Variants in TCF12 observed in about 807,000 individuals in gnomAD.
TCF12 encodes transcription factor 12.
Under a neutral mutation model 86.0 loss-of-function variants are expected in TCF12, and 45 were observed. The ratio of observed to expected loss-of-function variants is 0.52; its 90% CI spans 0.41 to 0.67. The LOEUF (loss-of-function observed/expected upper bound fraction) is 0.67. Ranked by LOEUF, TCF12 falls within the 30% of genes least tolerant of loss-of-function variation. The probability of loss-of-function intolerance (pLI) is 0.00; values close to 1 mark genes in which losing one functional copy is unlikely to be tolerated. For missense variants in TCF12, 881 were observed against 859.9 expected (o/e 1.02, Z -0.31); for synonymous variants, 330 against 299.6 (o/e 1.10, Z -1.05).
rs544744014 is a variant in TCF12, at chr15:57,018,682, C to G, written c.149-45068C>G. Among the ~76,000 whole-genome samples, 24 of 152,180 alleles carry G rather than the reference C, an allele frequency of 1.6e-4. No individual in the cohort carries two copies. The East Asian group carries it at 4.6e-3, about 29-fold the overall frequency. ...TCTTGAACTCCTGAGCTCAAGCACT[C>G]CACCTGCCTTGGCCTCCCAAAGGGC... On this transcript the variant is annotated intron_variant, in intron 3 of 20. Transcript: ENST00000333725.
intron 18 of TCF12, among the ~76,000 whole-genome samples, chr15:57,270,473 G>C (rs1240823018): frequency 1.3e-5 from 2 of 152,106 alleles, no homozygotes; most frequent in African/African-American, 4.8e-5. Context: ...CTTTTTCCAA[G>C]GTTTTTTACT....
intron 6 of TCF12, among the ~76,000 whole-genome samples, chr15:57,169,084 A>G (rs958752569): frequency 6.6e-6 from 1 of 152,184 alleles, no homozygotes; most frequent in South Asian, 2.1e-4. Context: ...ACTAAGTTAC[A>G]TCATTTGGAC....
At chr15:57,175,518 A>G (rs1196539478) in intron 6 of TCF12, among the ~76,000 whole-genome samples, 1 of 152,220 alleles carries the variant, frequency 6.6e-6, no homozygotes, top group Non-Finnish European at 1.5e-5. Flanking sequence ...TCCACTTTGT[A>G]ACAAGATTAC....
chr15:56,987,022 A>C (rs1425637374), intron 3 of TCF12, among the ~76,000 whole-genome samples: 2 of 152,136 alleles, frequency 1.3e-5, no homozygotes, highest in African/African-American at 4.8e-5. Context: ...TTAATAAATA[A>C]GTTTTTGAGG....
At chr15:57,252,240 T>C (rs1337646825) in intron 14 of TCF12, 181 bp from the exon 15 acceptor site, 1 of 532,952 alleles carries the variant, frequency 1.9e-6, no homozygotes, top group Non-Finnish European at 3.3e-6. Flanking sequence ...GTTTAGATGC[T>C]AACCTTGTAA....
chr15:57,241,709 C>G (rs566375769), intron 12 of TCF12, among the ~76,000 whole-genome samples: 1 of 152,156 alleles, frequency 6.6e-6, no homozygotes, highest in African/African-American at 2.4e-5. Flanking sequence ...AAAATGAAAT[C>G]TGGTGGGCCG....
chr15:57,176,121 C>T (rs1481134232), intron 6 of TCF12, among the ~76,000 whole-genome samples: 1 of 152,108 alleles, frequency 6.6e-6, no homozygotes, highest in Non-Finnish European at 1.5e-5. Context: ...TTGTTTGAGC[C>T]CAGGAGTTCA....
intron 5 of TCF12, among the ~76,000 whole-genome samples, chr15:57,119,801 T>C (rs1352485373): frequency 2.0e-5 from 3 of 152,170 alleles, no homozygotes; most frequent in Non-Finnish European, 1.5e-5. Flanking sequence ...CCTCTTTCTC[T>C]TAAGCTTTCC....
chr15:56,921,842 C>A (rs1438993529), intron 3 of TCF12, among the ~76,000 whole-genome samples: 1 of 151,914 alleles, frequency 6.6e-6, no homozygotes, highest in East Asian at 1.9e-4. Context: ...AATTTCATAA[C>A]CACCTAAACA....
At chr15:56,996,134 C>T (rs1427509256) in intron 3 of TCF12, among the ~76,000 whole-genome samples, 2 of 152,270 alleles carry the variant, frequency 1.3e-5, no homozygotes, top group Admixed American at 6.5e-5. Context: ...AGGAATAAAG[C>T]CTACTTGATC....
chr15:57,003,591 T>C (rs1398712159), intron 3 of TCF12, among the ~76,000 whole-genome samples: 2 of 152,212 alleles, frequency 1.3e-5, no homozygotes, highest in Admixed American at 6.5e-5. Context: ...GAAAGGACTC[T>C]TGTTTACATT....
chr15:57,114,490 G>A (rs1466011160), intron 5 of TCF12, among the ~76,000 whole-genome samples: 2 of 152,036 alleles, frequency 1.3e-5, no homozygotes, highest in Non-Finnish European at 2.9e-5. Flanking sequence ...TGGAGATGGG[G>A]TCTCAGTTTG....
chr15:57,192,419 C>T, intron 7 of TCF12, 126 bp downstream of exon 7: 1 of 1,279,816 alleles, frequency 7.8e-7, no homozygotes, highest in Non-Finnish European at 1.1e-6. Flanking sequence ...GACAGCGTCT[C>T]ACTCTGTTAC....
At chr15:57,023,463 A>G (rs575508564) in intron 3 of TCF12, among the ~76,000 whole-genome samples, 76 of 152,156 alleles carry the variant, frequency 5.0e-4, no homozygotes, top group Non-Finnish European at 9.0e-4. Flanking sequence ...TGATCATTGT[A>G]TCTGGTCAGT....
At chr15:57,030,974 A>G (rs1336330710) in intron 3 of TCF12, among the ~76,000 whole-genome samples, 2 of 152,214 alleles carry the variant, frequency 1.3e-5, no homozygotes, top group Non-Finnish European at 2.9e-5. Context: ...CAAGGATTAT[A>G]TAGTTGATGC....
chr15:56,936,853 A>G (rs2140310018), intron 3 of TCF12, among the ~76,000 whole-genome samples: 1 of 152,288 alleles, frequency 6.6e-6, no homozygotes, highest in Non-Finnish European at 1.5e-5. Flanking sequence ...TTATACTAGT[A>G]CCATGCTGTT....
intron 5 of TCF12, among the ~76,000 whole-genome samples, chr15:57,147,972 C>G (rs1308515050): frequency 6.6e-6 from 1 of 151,050 alleles, no homozygotes; most frequent in Non-Finnish European, 1.5e-5. Flanking sequence ...CCTCCAAATC[C>G]TGGACTCAAC....
intron 3 of TCF12, 22 bp downstream of exon 3, chr15:56,921,120 A>T: frequency 1.3e-6 from 2 of 1,573,516 alleles, no homozygotes; most frequent in Admixed American, 1.8e-5. Flanking sequence ...TCTTAAACTA[A>T]AGACTCATAT....
At chr15:57,244,267 A>G (rs1460130228) in intron 13 of TCF12, among the ~76,000 whole-genome samples, 2 of 152,126 alleles carry the variant, frequency 1.3e-5, no homozygotes, top group East Asian at 3.8e-4. Context: ...TGTTCTCCAC[A>G]CTTGTCATGT....
Sources: gnomAD v4.1 joint callset for allele counts (sites outside exome capture counted in the v4.1 genomes callset) on GRCh38, gnomAD v4.1.1 for gene constraint, MANE v1.5 for transcripts, NCBI Gene and HGNC (gene_info 2026-07-23, HGNC 2026-07-21) for gene names.